RUNX1: variants seen among roughly 807,000 people sequenced by gnomAD.
The protein encoded by RUNX1 is runt-related transcription factor 1.
In RUNX1, 19 loss-of-function variants were observed where a neutral mutation model predicts 42.8. That is an observed-to-expected ratio of 0.44 (90% confidence interval 0.31 to 0.65). The LOEUF (loss-of-function observed/expected upper bound fraction) is 0.65. RUNX1 is among the 30% of genes least tolerant of loss of function. The pLI, the probability that RUNX1 is intolerant of heterozygous loss-of-function variation, is 0.07. For synonymous variants in RUNX1, 271 were observed against 289.4 expected (o/e 0.94, Z 0.64); for missense variants, 528 against 672.0 (o/e 0.79, Z 2.37).
At position 35,005,144 on chromosome 21, in the gene RUNX1, G is replaced by C. The variant is rs549966373; in HGVS notation, c.58+43698C>G. 4.0e-5 allele frequency among the ~76,000 whole-genome samples: 6 copies of C among 151,398 alleles called. No homozygotes were observed. In the South Asian group the frequency reaches 1.3e-3, roughly 32 times the overall value. On this transcript the variant is annotated intron_variant, in intron 2 of 8. Transcript: ENST00000675419. The stretch of plus-strand genomic sequence containing the variant: ...AGAAATCATGTTTTTTTTTTTATTA[G>C]AGTTGAATTTCTTCTTCATACCAAT...
At chr21:34,996,604 A>C (rs2058998458) in intron 2 of RUNX1, among the ~76,000 whole-genome samples, 1 of 149,218 alleles carries the variant, frequency 6.7e-6, no homozygotes, top group South Asian at 2.2e-4. Flanking sequence ...CATTTTAAAA[A>C]TATTAGCTAG....
intron 2 of RUNX1, among the ~76,000 whole-genome samples, chr21:34,899,272 C>T (rs888289527): frequency 3.0e-4 from 46 of 152,162 alleles, no homozygotes; most frequent in African/African-American, 1.1e-3. Context: ...CCAAAATTCA[C>T]ATTGAAGCCC....
intron 7 of RUNX1, among the ~76,000 whole-genome samples, chr21:34,826,491 G>C (rs1017227842): frequency 1.2e-4 from 16 of 132,596 alleles, no homozygotes; most frequent in African/African-American, 4.1e-4. Flanking sequence ...AGGCTGGAGT[G>C]CAGTAACATG....
At chr21:34,811,261 C>T (rs758059461) in intron 7 of RUNX1, among the ~76,000 whole-genome samples, 5 of 152,178 alleles carry the variant, frequency 3.3e-5, no homozygotes, top group Non-Finnish European at 7.4e-5. Context: ...GTGCCTCGTC[C>T]CCTTCAATAA....
intron 2 of RUNX1, among the ~76,000 whole-genome samples, chr21:34,960,843 C>G (rs1412646564): frequency 7.2e-5 from 11 of 152,088 alleles, no homozygotes; most frequent in Admixed American, 5.9e-4. Context: ...GGACAAAGAG[C>G]CTTGTAAATG....
chr21:34,815,070 G>GA lies in RUNX1; in HGVS notation c.806-15609dup, dbSNP rs149504833. Among the ~76,000 whole-genome samples, 471 of 149,492 alleles carry GA rather than the reference G, an allele frequency of 3.2e-3. 2 individuals are homozygous for GA. Among genetic ancestry groups the GA allele is most frequent in the African/African-American group, 0.011 (429 of 40,774 alleles). ...AAAACAGGAACTTCCCGTCTTCTTT[G>GA]AAAAAAAAAATTAAAAAGCAAACCA... On this transcript the variant is annotated intron_variant, in intron 7 of 8. Coordinates refer to ENST00000675419, the MANE Select transcript of RUNX1 (RefSeq NM_001754.5).
chr21:34,960,214 T>C (rs1229369483), intron 2 of RUNX1, among the ~76,000 whole-genome samples: 1 of 152,212 alleles, frequency 6.6e-6, no homozygotes, highest in Non-Finnish European at 1.5e-5. Context: ...TTTCCTGTTC[T>C]TCCTGGGTCC....
intron 2 of RUNX1, among the ~76,000 whole-genome samples, chr21:35,001,536 A>G (rs1404507559): frequency 6.6e-6 from 1 of 152,120 alleles, no homozygotes; most frequent in Non-Finnish European, 1.5e-5. Context: ...CCCACAACTA[A>G]CATAATACCG....
intron 2 of RUNX1, among the ~76,000 whole-genome samples, chr21:34,922,461 A>G (rs1405787198): frequency 1.3e-5 from 2 of 152,204 alleles, no homozygotes; most frequent in Non-Finnish European, 2.9e-5. Context: ...AAGGTCACAT[A>G]CCTAGTAAGA....
At chr21:34,996,181 C>A (rs867437581) in intron 2 of RUNX1, among the ~76,000 whole-genome samples, 4 of 152,232 alleles carry the variant, frequency 2.6e-5, no homozygotes, top group Middle Eastern at 6.8e-3. Flanking sequence ...CCCAAGGAAC[C>A]ACCGCCCTGA....
Position 34,788,202 on chromosome 21 carries a change from C to T in RUNX1, c.*3933G>A, listed in dbSNP as rs984151080. 4.3e-6 allele frequency: 1 copy of T among 233,506 alleles called. No individual in the cohort carries two copies. Among genetic ancestry groups the T allele is most frequent in the African/African-American group, 2.2e-5 (1 of 45,352 alleles). 14.5% of individuals were successfully genotyped at this position (233,506 alleles called of 1,614,324 possible). A position where few individuals can be genotyped will look rare whatever the true frequency, so the allele number is the denominator to read the frequency against. The stretch of plus-strand genomic sequence containing the variant: ...TTTTGTGACCAAACCCAATAACTGC[C>T]ACACAAATAGACCCTAGGTGGGGGC... On this transcript the variant is annotated 3_prime_UTR_variant, in exon 9 of 9. Transcript: ENST00000675419.
intron 7 of RUNX1, among the ~76,000 whole-genome samples, chr21:34,804,742 CTTT>C (rs58321227): frequency 2.3e-5 from 3 of 132,638 alleles, no homozygotes; most frequent in Admixed American, 1.5e-4. Context: ...GAGATGGAAA[CTTT>C]TTTTTTTTTT....
intron 6 of RUNX1, among the ~76,000 whole-genome samples, chr21:34,850,752 C>T (rs1448671631): frequency 1.3e-5 from 2 of 151,412 alleles, no homozygotes; most frequent in African/African-American, 4.9e-5. Flanking sequence ...CAACACAAAA[C>T]GAAATCCAGA....
rs112122265 is a variant in RUNX1 at position 34,909,253 on chromosome 21, G to A, written c.59-16290C>T. On this transcript the variant is annotated intron_variant, in intron 2 of 8. Coordinates refer to ENST00000675419, the MANE Select transcript of RUNX1 (RefSeq NM_001754.5). The stretch of plus-strand genomic sequence containing the variant: ...CACCCGACCCTAAGATTCTTGCTTC[G>A]CTTGCCTTTGATATGGTGATCTCTG... Among the ~76,000 whole-genome samples the A allele has an allele frequency of 1.4e-3, 210 of 152,108 alleles. 1 individual carries two copies. The highest frequency in any genetic ancestry group is 4.7e-3 in the African/African-American group (195 of 41,494).
intron 2 of RUNX1, among the ~76,000 whole-genome samples, chr21:35,030,551 A>G (rs1416361804): frequency 6.6e-6 from 1 of 152,210 alleles, no homozygotes; most frequent in Non-Finnish European, 1.5e-5. Flanking sequence ...AATTGCAAAG[A>G]TAAGAGGGCA....
intron 2 of RUNX1, among the ~76,000 whole-genome samples, chr21:34,937,829 C>T (rs1377267179): frequency 2.0e-5 from 3 of 152,088 alleles, no homozygotes; most frequent in Admixed American, 6.5e-5. Flanking sequence ...ACAGAAAATG[C>T]CAGGCAAGGT....
intron 7 of RUNX1, among the ~76,000 whole-genome samples, chr21:34,819,913 G>A (rs901185822): frequency 1.3e-4 from 20 of 152,392 alleles, no homozygotes; most frequent in African/African-American, 4.3e-4. Context: ...TTAAAGGGCC[G>A]GGCTTGTGGG....
At chr21:35,028,219 G>A (rs1251646456) in intron 2 of RUNX1, among the ~76,000 whole-genome samples, 1 of 152,194 alleles carries the variant, frequency 6.6e-6, no homozygotes, top group African/African-American at 2.4e-5. Context: ...TTAAGATGCA[G>A]ATTCTTGGGC....
intron 1 of RUNX1, 43 bp downstream of exon 1, chr21:35,049,125 A>G: frequency 1.9e-6 from 1 of 534,526 alleles, no homozygotes; most frequent in East Asian, 3.1e-5. Context: ...TAAAAAAAAA[A>G]AAAAAGCCAG....
Sources: allele counts gnomAD v4.1 joint callset (sites outside exome capture counted in the v4.1 genomes callset), GRCh38; gene constraint gnomAD v4.1.1; transcripts MANE v1.5; gene names NCBI Gene and HGNC (gene_info 2026-07-23, HGNC 2026-07-21).